SLC4A7: variants seen among roughly 807,000 people sequenced by gnomAD.
SLC4A7 encodes sodium bicarbonate cotransporter 3.
In SLC4A7, 51 loss-of-function variants were observed where a neutral mutation model predicts 137.6. The observed-to-expected ratio is 0.37, with a 90% CI of 0.30 to 0.47. SLC4A7 has a LOEUF of 0.47. SLC4A7 is among the 20% of genes least tolerant of loss of function. The pLI is 1.00. For synonymous variants in SLC4A7, 542 were observed against 518.6 expected (o/e 1.05, Z -0.61); for missense variants, 1,247 against 1,525.4 (o/e 0.82, Z 3.04).
At position 27,452,439 on chromosome 3, in the gene SLC4A7, C is replaced by G. The variant is rs758537804; in HGVS notation, c.120G>C (p.Lys40Asn). 5.6e-6 allele frequency: 9 copies of G among 1,603,880 alleles called. No homozygotes were observed. In the East Asian group the frequency reaches 6.7e-5, roughly 12 times the overall value. ...LGKTSSTVNT[K>N]FEKEELESHR... Reference sequence around the variant, plus strand: ...TACTTTCTAGTTCTTCTTTTTCAAACTTGGTGTTCACAGTTGAGCTAGTTT... The same window carrying G: ...TACTTTCTAGTTCTTCTTTTTCAAAGTTGGTGTTCACAGTTGAGCTAGTTT... Residue 40 changes from lysine (K) to asparagine (N), a missense_variant, in exon 2 of 26, where the codon AAG (lysine) becomes AAC (asparagine). Around this residue, in one of 6 missense-constraint regions of SLC4A7, gnomAD observed 176 missense variants for 186.4 expected, o/e 0.94. Coordinates refer to ENST00000454389, the MANE Select transcript of SLC4A7 (RefSeq NM_001321103.2).
At chr3:27,427,314 C>T (rs1329326894) in intron 7 of SLC4A7, among the ~76,000 whole-genome samples, 4 of 36,602 alleles carry the variant, frequency 1.1e-4, no homozygotes, top group Admixed American at 4.0e-4. Context: ...AATAAATTCA[C>T]TTCTTTTTTT....
At chr3:27,431,102 T>G (rs757977156) in intron 7 of SLC4A7, among the ~76,000 whole-genome samples, 196 bp downstream of exon 7, 2 of 152,070 alleles carry the variant, frequency 1.3e-5, no homozygotes, top group Non-Finnish European at 2.9e-5. Context: ...TAAAGCAAAC[T>G]TTCAACGGCG....
chr3:27,383,485 T>C (rs2050638227), intron 23 of SLC4A7, among the ~76,000 whole-genome samples: 2 of 152,236 alleles, frequency 1.3e-5, no homozygotes, highest in African/African-American at 4.8e-5. Context: ...CTGTCACTTA[T>C]ACTATTTAAG....
At chr3:27,475,046 G>C (rs374710676) in intron 1 of SLC4A7, among the ~76,000 whole-genome samples, 17 of 152,172 alleles carry the variant, frequency 1.1e-4, no homozygotes, top group East Asian at 5.8e-4. Flanking sequence ...GGAGGTGGAG[G>C]TTGCAGTGAG....
chr3:27,468,256 C>T (rs2059091443), intron 1 of SLC4A7, among the ~76,000 whole-genome samples: 1 of 152,054 alleles, frequency 6.6e-6, no homozygotes, highest in African/African-American at 2.4e-5. Context: ...GAGATTAAAA[C>T]AATTTACACA....
In SLC4A7 at chr3:27,470,630, A is replaced by G. The variant is rs1426047442; in HGVS notation, c.60+13437T>C. Among the ~76,000 whole-genome samples, 4 of 139,662 alleles carry G rather than the reference A, an allele frequency of 2.9e-5. No homozygotes were observed. In the East Asian group the frequency reaches 8.9e-4, roughly 31 times the overall value. The allele number at this position is 139,662 out of a possible 152,430, so 91.6% of individuals were successfully genotyped here. ...AGGGTGGCTACCTCATGGGCAGAGT[A>G]GCTCCAACTTTAAAAAAAAAAAAAA... On this transcript the variant is annotated intron_variant, in intron 1 of 25. Coordinates refer to ENST00000454389, the MANE Select transcript of SLC4A7 (RefSeq NM_001321103.2).
chr3:27,374,215 G>A lies in SLC4A7; in HGVS notation c.*2549C>T, dbSNP rs1022400962. The A allele has an allele frequency of 9.8e-5, 15 of 152,482 alleles. No homozygotes were observed. Among genetic ancestry groups the A allele is most frequent in the African/African-American group, 3.6e-4 (15 of 41,446 alleles). The allele number at this position is 152,482 out of a possible 1,614,324, so 9.4% of individuals were successfully genotyped here. On this transcript the variant is annotated 3_prime_UTR_variant, in exon 26 of 26. Coordinates refer to ENST00000454389, the MANE Select transcript of SLC4A7 (RefSeq NM_001321103.2). Reference sequence around the variant, plus strand: ...AGGGTGGAGAAAAGAATATCCTGAGGTGGCTCTGTGGCCAGGGTATTCAGT... The same window carrying A: ...AGGGTGGAGAAAAGAATATCCTGAGATGGCTCTGTGGCCAGGGTATTCAGT...
At chr3:27,377,399 TG>T (rs1385376660) in intron 25 of SLC4A7, among the ~76,000 whole-genome samples, 2 of 152,172 alleles carry the variant, frequency 1.3e-5, no homozygotes, top group Admixed American at 6.5e-5. Context: ...AATATATATA[TG>T]TTTTTTTGAG....
intron 1 of SLC4A7, among the ~76,000 whole-genome samples, chr3:27,461,606 CAA>C (rs200548018): frequency 1.2e-4 from 10 of 86,774 alleles, no homozygotes; most frequent in Admixed American, 2.8e-4. Context: ...ACCTCGTTTA[CAA>C]AAAAAAAAAA....
At chr3:27,404,312 A>G (rs943945515) in intron 14 of SLC4A7, among the ~76,000 whole-genome samples, 4 of 152,224 alleles carry the variant, frequency 2.6e-5, no homozygotes, top group African/African-American at 9.6e-5. Context: ...GGTTGCAGTG[A>G]GCCAAGATCG....
chr3:27,484,175 T>C lies in SLC4A7; in HGVS notation c.-49A>G. The C allele has an allele frequency of 8.1e-7, 1 of 1,227,080 alleles. No individual in the cohort carries two copies. Among genetic ancestry groups the C allele is most frequent in the Non-Finnish European group, 1.0e-6 (1 of 977,492 alleles). The allele number at this position is 1,227,080 out of a possible 1,614,324, so 76.0% of individuals were successfully genotyped here. On this transcript the variant is annotated 5_prime_UTR_variant, in exon 1 of 26. Coordinates refer to ENST00000454389, the MANE Select transcript of SLC4A7 (RefSeq NM_001321103.2). The stretch of plus-strand genomic sequence containing the variant: ...GCCGCTACGGTACTGCCCCGCGCGG[T>C]CTGCCTGCTTCTGCCGCTGCCCCTG...
chr3:27,425,790 A>C (rs1382203799), intron 7 of SLC4A7, among the ~76,000 whole-genome samples: 1 of 150,862 alleles, frequency 6.6e-6, no homozygotes, highest in African/African-American at 2.4e-5. Flanking sequence ...AATGCATCTC[A>C]TTTTTTTCAA....
chr3:27,474,537 C>T (rs771268560), intron 1 of SLC4A7, among the ~76,000 whole-genome samples: 42 of 151,908 alleles, frequency 2.8e-4, no homozygotes, highest in Non-Finnish European at 5.0e-4. Context: ...TAGTGAAACC[C>T]GGTCCCTACT....
chr3:27,409,552 C>T (rs1559691494), intron 12 of SLC4A7, 22 bp from the exon 13 acceptor site: 5 of 1,595,046 alleles, frequency 3.1e-6, no homozygotes, highest in South Asian at 2.3e-5. Flanking sequence ...AGATGAAACT[C>T]GTCAAACTGT....
chr3:27,418,124 A>G (rs924450527), intron 11 of SLC4A7, among the ~76,000 whole-genome samples: 1 of 152,204 alleles, frequency 6.6e-6, no homozygotes, highest in African/African-American at 2.4e-5. Context: ...CCATGCATAG[A>G]ATACAACAAA....
At position 27,420,340 on chromosome 3, in the gene SLC4A7, C is replaced by T. The variant is rs192838522; in HGVS notation, c.1512+360G>A. Among the ~76,000 whole-genome samples, 368 of 151,844 alleles carry T rather than the reference C, an allele frequency of 2.4e-3. 2 individuals are homozygous for T. Among genetic ancestry groups the T allele is most frequent in the African/African-American group, 8.6e-3 (357 of 41,406 alleles). On this transcript the variant is annotated intron_variant, in intron 10 of 25. Transcript: ENST00000454389. ...TAGTATGTAGGTTATCGTCAAAGAT[C>T]GGGACCCCATATCAGAGAAATTTAC...
At chr3:27,437,613 T>C (rs550899521) in intron 3 of SLC4A7, 87 bp from the exon 4 acceptor site, 2 of 741,796 alleles carry the variant, frequency 2.7e-6, no homozygotes, top group African/African-American at 3.6e-5. Flanking sequence ...GAAACACTTT[T>C]GTTACCTGTA....
chr3:27,420,725 G>T lies in SLC4A7; in HGVS notation c.1487C>A (p.Ser496Ter), dbSNP rs1576348894. The change falls in exon 10 of 26, where the codon TCA (serine) becomes TAA (stop). Residue 496 changes from serine (S) to a stop codon, truncating the protein, a stop_gained. Coordinates refer to ENST00000454389, the MANE Select transcript of SLC4A7 (RefSeq NM_001321103.2). LOFTEE classifies it high-confidence loss of function. Reference protein sequence around the residue: ...KAPQYHEIGRSIATLMTDEIF... With the variant: ...KAPQYHEIGR Reference sequence around the variant, plus strand: ...CTCATCTGTCATGAGAGTGGCTATTGATCGTCCAATTTCATGGTACTGTGG... The same window carrying T: ...CTCATCTGTCATGAGAGTGGCTATTTATCGTCCAATTTCATGGTACTGTGG... The T allele has an allele frequency of 1.2e-6, 2 of 1,613,146 alleles. No individual in the cohort carries two copies. Among genetic ancestry groups the T allele is most frequent in the South Asian group, 2.2e-5 (2 of 91,018 alleles).
rs867012292 is a variant in SLC4A7, at chr3:27,479,908, G to A, written c.60+4159C>T. Among the ~76,000 whole-genome samples, 5 of 152,300 alleles carry A rather than the reference G, an allele frequency of 3.3e-5. No individual in the cohort carries two copies. The South Asian group carries it at 1.0e-3, about 32-fold the overall frequency. On this transcript the variant is annotated intron_variant, in intron 1 of 25. Coordinates refer to ENST00000454389, the MANE Select transcript of SLC4A7 (RefSeq NM_001321103.2). Reference sequence around the variant, plus strand: ...GGCCCACACAGTTTAGTCAGTTGCAGATCCTATCCACTTTAAGATCATATT... The same window carrying A: ...GGCCCACACAGTTTAGTCAGTTGCAAATCCTATCCACTTTAAGATCATATT...
Sources: allele counts gnomAD v4.1 joint callset (sites outside exome capture counted in the v4.1 genomes callset), GRCh38; gene constraint gnomAD v4.1.1; regional missense constraint gnomAD v4.1.1; transcripts MANE v1.5; gene names NCBI Gene and HGNC (gene_info 2026-07-23, HGNC 2026-07-21).